Variants in MAPK14 observed in about 807,000 individuals in gnomAD.
MAPK14 encodes mitogen-activated protein kinase 14.
MAPK14 carries 16 observed loss-of-function variants against 49.6 expected under a neutral mutation model. That is an observed-to-expected ratio of 0.32 (90% CI 0.22 to 0.49). MAPK14 has a LOEUF of 0.49. Ranked by LOEUF, MAPK14 falls within the 20% of genes least tolerant of loss-of-function variation. The probability of loss-of-function intolerance (pLI) is 0.99; values close to 1 mark genes in which losing one functional copy is unlikely to be tolerated. For synonymous variants in MAPK14, 142 were observed against 158.0 expected (o/e 0.90, Z 0.76); for missense variants, 200 against 441.2 (o/e 0.45, Z 4.90).
rs116943265 is a variant in MAPK14, at chr6:36,107,157, C to T, written c.842-298C>T. Among the ~76,000 whole-genome samples, 170 of 152,204 alleles carry T rather than the reference C, an allele frequency of 1.1e-3. 3 individuals are homozygous for T. In the East Asian group the frequency reaches 0.031, roughly 28 times the overall value. On this transcript the variant is annotated intron_variant, in intron 10 of 11. Coordinates refer to ENST00000229794, the MANE Select transcript of MAPK14 (RefSeq NM_139012.3). The surrounding 1 kb of genome is among the most constrained non-coding windows in gnomAD (Gnocchi z 4.3). ...ATGTTCACTATTTGGTTAATGGGCA[C>T]GCTAGAAGCCCAGTCCCCATCAGTC...
chr6:36,031,873 C>G (rs996860246), intron 1 of MAPK14, among the ~76,000 whole-genome samples: 8 of 152,140 alleles, frequency 5.3e-5, no homozygotes, highest in African/African-American at 1.9e-4. Context: ...AAAGTAACAA[C>G]ACATAATTTT....
chr6:36,118,516 A>G, the MAPK14 span, among the ~76,000 whole-genome samples: 1 of 152,116 alleles, frequency 6.6e-6, no homozygotes, highest in African/African-American at 2.4e-5. Context: ...CTGGCACTCA[A>G]CTGACAGACA....
the MAPK14 span, among the ~76,000 whole-genome samples, chr6:36,118,387 A>T: frequency 1.3e-5 from 2 of 152,238 alleles, no homozygotes; most frequent in Non-Finnish European, 2.9e-5. Flanking sequence ...CGTTGTTTTC[A>T]TGGGAAAAGG....
intron 2 of MAPK14, among the ~76,000 whole-genome samples, chr6:36,056,084 A>AT (rs1047328516): frequency 4.0e-5 from 6 of 150,484 alleles, no homozygotes; most frequent in East Asian, 2.0e-4. Context: ...GCTTTTCTCT[A>AT]TTTTTTTTCA....
Position 36,099,408 on chromosome 6 carries a change from T to C in MAPK14, c.763-3163T>C, listed in dbSNP as rs188657202. Among the ~76,000 whole-genome samples the C allele has an allele frequency of 2.0e-5, 3 of 152,226 alleles. No homozygotes were observed. In the South Asian group the frequency reaches 6.2e-4, roughly 31 times the overall value. On this transcript the variant is annotated intron_variant, in intron 9 of 11. Coordinates refer to ENST00000229794, the MANE Select transcript of MAPK14 (RefSeq NM_139012.3). ...GTGCCTATACATATAGAAAATCTCA[T>C]AGTTCTGCCCTTATCAGATGCTTGC...
chr6:36,120,647 C>T, the MAPK14 span, among the ~76,000 whole-genome samples: 1 of 152,160 alleles, frequency 6.6e-6, no homozygotes, highest in Non-Finnish European at 1.5e-5. Flanking sequence ...ATGGGATTAC[C>T]GGATTAACAA....
At chr6:36,091,839 CTTTTCTTTTTT>C (rs1765242392) in intron 8 of MAPK14, among the ~76,000 whole-genome samples, 1 of 122,136 alleles carries the variant, frequency 8.2e-6, no homozygotes, top group Non-Finnish European at 1.8e-5. Context: ...CTCATCTTTT[CTTTTCTTTTTT>C]TTTTTTTTTT....
At chr6:36,120,085 CTG>C in the MAPK14 span, among the ~76,000 whole-genome samples, 125 of 152,290 alleles carry the variant, frequency 8.2e-4, no homozygotes, top group South Asian at 0.017. Flanking sequence ...ACCACTGACA[CTG>C]TGTAACCTCC....
chr6:36,040,951 G>T (rs1762938573), intron 1 of MAPK14, among the ~76,000 whole-genome samples: 3 of 152,170 alleles, frequency 2.0e-5, no homozygotes, highest in African/African-American at 4.8e-5. Flanking sequence ...GAAGGTTCTT[G>T]CATCTGGGAA....
At chr6:36,099,706 C>G (rs1435754669) in intron 9 of MAPK14, among the ~76,000 whole-genome samples, 1 of 152,180 alleles carries the variant, frequency 6.6e-6, no homozygotes, top group African/African-American at 2.4e-5. Context: ...CCACGTGTGT[C>G]TTAATTCGGA....
At chr6:36,081,154 A>G (rs1001934949) in intron 8 of MAPK14, among the ~76,000 whole-genome samples, 3 of 152,162 alleles carry the variant, frequency 2.0e-5, no homozygotes, top group Non-Finnish European at 4.4e-5. Context: ...TTTGATACAT[A>G]AAACATTTTT....
chr6:36,059,768 T>G (rs1447413945), intron 3 of MAPK14, among the ~76,000 whole-genome samples: 1 of 152,052 alleles, frequency 6.6e-6, no homozygotes, highest in East Asian at 1.9e-4. Flanking sequence ...TCCTCCCACC[T>G]CAGCCTCCTG....
intron 8 of MAPK14, among the ~76,000 whole-genome samples, chr6:36,084,857 C>T (rs1461059987): frequency 6.6e-6 from 1 of 152,020 alleles, no homozygotes; most frequent in African/African-American, 2.4e-5. Flanking sequence ...AGAAGATCAA[C>T]CCCAAGATAC....
At chr6:36,117,465 C>A in the MAPK14 span, among the ~76,000 whole-genome samples, 1 of 152,292 alleles carries the variant, frequency 6.6e-6, no homozygotes, top group South Asian at 2.1e-4. Flanking sequence ...GACATCACTC[C>A]CTCAGTAAAT....
intron 8 of MAPK14, among the ~76,000 whole-genome samples, chr6:36,078,617 G>A (rs185450891): frequency 1.1e-4 from 17 of 152,248 alleles, no homozygotes; most frequent in Admixed American, 9.8e-4. Flanking sequence ...ACAACCTAGT[G>A]TTTAAACTTT....
At chr6:36,090,916 C>A (rs1437325788) in intron 8 of MAPK14, among the ~76,000 whole-genome samples, 1 of 152,194 alleles carries the variant, frequency 6.6e-6, no homozygotes, top group Non-Finnish European at 1.5e-5. Context: ...ACCAAGGGTC[C>A]CTTAAGAAAT....
At chr6:36,047,586 G>A (rs1380036770) in intron 1 of MAPK14, among the ~76,000 whole-genome samples, 1 of 152,092 alleles carries the variant, frequency 6.6e-6, no homozygotes, top group Non-Finnish European at 1.5e-5. Context: ...TCATTTTTGA[G>A]ACAGTCTCAC....
intron 2 of MAPK14, among the ~76,000 whole-genome samples, chr6:36,054,397 C>T (rs1763513895): frequency 6.6e-6 from 1 of 152,124 alleles, no homozygotes; most frequent in Non-Finnish European, 1.5e-5. Flanking sequence ...TTTTGCTTTT[C>T]TTCATAAATA....
At chr6:36,120,097 C>T in the MAPK14 span, among the ~76,000 whole-genome samples, 2 of 152,098 alleles carry the variant, frequency 1.3e-5, no homozygotes, top group Admixed American at 6.5e-5. Flanking sequence ...GTGTAACCTC[C>T]GCAGGTTGCT....
Sources: allele counts gnomAD v4.1 joint callset (sites outside exome capture counted in the v4.1 genomes callset), GRCh38; gene constraint gnomAD v4.1.1; non-coding constraint Gnocchi (gnomAD v3.1); transcripts MANE v1.5; gene names NCBI Gene and HGNC (gene_info 2026-07-23, HGNC 2026-07-21).